The following CHD6 variants were observed in gnomAD, a reference collection of about 807,000 sequenced individuals.
The protein encoded by CHD6 is chromodomain helicase DNA binding protein 6, also known as ATP-dependent chromatin remodeler CHD6.
CHD6 carries 50 observed loss-of-function variants against 276.9 expected under a neutral mutation model. The ratio of observed to expected loss-of-function variants is 0.18; its 90% CI spans 0.14 to 0.23. CHD6 has a LOEUF of 0.23. Ranked by LOEUF, CHD6 falls within the 10% of genes least tolerant of loss-of-function variation. The probability of loss-of-function intolerance (pLI) is 1.00; values close to 1 mark genes in which losing one functional copy is unlikely to be tolerated. For missense variants in CHD6, 2,564 were observed against 3,365.8 expected (o/e 0.76, Z 5.89); for synonymous variants, 1,173 against 1,229.3 (o/e 0.95, Z 0.96).
intron 31 of CHD6, among the ~76,000 whole-genome samples, chr20:41,418,717 C>A (rs138169387): frequency 6.6e-6 from 1 of 152,072 alleles, no homozygotes; most frequent in African/African-American, 2.4e-5. Flanking sequence ...TTTCTAGTCT[C>A]GAAAGCAGGG....
intron 16 of CHD6, among the ~76,000 whole-genome samples, chr20:41,480,657 C>T (rs931079805): frequency 6.6e-6 from 1 of 152,000 alleles, no homozygotes; most frequent in South Asian, 2.1e-4. Flanking sequence ...ATACCTACAA[C>T]TGAAAAATAT....
chr20:41,566,871 G>A (rs1051814054), intron 1 of CHD6, among the ~76,000 whole-genome samples: 4 of 152,160 alleles, frequency 2.6e-5, no homozygotes, highest in African/African-American at 7.2e-5. Flanking sequence ...CTATAATCCT[G>A]TGTCAGGAAT....
intron 26 of CHD6, among the ~76,000 whole-genome samples, chr20:41,437,822 T>G (rs1258113339): frequency 1.3e-5 from 2 of 152,160 alleles, no homozygotes; most frequent in Non-Finnish European, 2.9e-5. Context: ...ATTCCAAGCC[T>G]TAGTTTTTCC....
chr20:41,456,324 C>G (rs898862445), intron 18 of CHD6, among the ~76,000 whole-genome samples: 1 of 151,634 alleles, frequency 6.6e-6, no homozygotes, highest in Non-Finnish European at 1.5e-5. Flanking sequence ...GAGCTTGTAT[C>G]TTTAAAAACC....
chr20:41,521,903 T>C (rs2044408184), intron 3 of CHD6, among the ~76,000 whole-genome samples: 1 of 152,172 alleles, frequency 6.6e-6, no homozygotes, highest in South Asian at 2.1e-4. Context: ...CCAAAGTAAT[T>C]GAGGACAGTA....
intron 5 of CHD6, 62 bp downstream of exon 5, chr20:41,512,784 T>A (rs558519625): frequency 1.9e-6 from 3 of 1,588,616 alleles, no homozygotes; most frequent in Non-Finnish European, 2.6e-6. Flanking sequence ...AAGAAACACG[T>A]CTGTCATCTA....
At chr20:41,586,453 G>C (rs994962768) in intron 1 of CHD6, among the ~76,000 whole-genome samples, 1 of 152,192 alleles carries the variant, frequency 6.6e-6, no homozygotes. Flanking sequence ...GTTCTCTTCC[G>C]TGACCCATGG....
intron 1 of CHD6, among the ~76,000 whole-genome samples, chr20:41,574,981 T>C (rs1295216967): frequency 1.3e-5 from 2 of 152,090 alleles, no homozygotes; most frequent in Non-Finnish European, 2.9e-5. Context: ...TGACTAGGAG[T>C]GTAACTTTGT....
intron 1 of CHD6, among the ~76,000 whole-genome samples, chr20:41,581,288 T>C (rs563317340): frequency 6.6e-6 from 1 of 152,292 alleles, no homozygotes; most frequent in African/African-American, 2.4e-5. Context: ...ATAACAGATC[T>C]AATAAGTAGC....
At chr20:41,573,505 C>T (rs763981122) in intron 1 of CHD6, among the ~76,000 whole-genome samples, 1 of 152,146 alleles carries the variant, frequency 6.6e-6, no homozygotes, top group South Asian at 2.1e-4. Context: ...TGTGATTAAA[C>T]CATGTAAACA....
intron 17 of CHD6, among the ~76,000 whole-genome samples, chr20:41,464,861 C>T (rs1003264030): frequency 6.6e-6 from 1 of 151,988 alleles, no homozygotes; most frequent in African/African-American, 2.4e-5. Flanking sequence ...TAAGGAAGCA[C>T]TCAAAAAACA....
intron 17 of CHD6, among the ~76,000 whole-genome samples, chr20:41,465,246 G>T (rs1025727417): frequency 6.6e-6 from 1 of 152,304 alleles, no homozygotes; most frequent in East Asian, 1.9e-4. Flanking sequence ...TTATTTTATG[G>T]TGGAGAAACT....
In CHD6 at chr20:41,484,261, T is replaced by G. The variant is rs1270271747; in HGVS notation, c.2257+91A>C. 2.7e-6 allele frequency: 4 copies of G among 1,459,844 alleles called. No individual in the cohort carries two copies. In the East Asian group the frequency reaches 9.1e-5, roughly 33 times the overall value. The allele number at this position is 1,459,844 out of a possible 1,614,324, so 90.4% of individuals were successfully genotyped here. A position where few individuals can be genotyped will look rare whatever the true frequency, so the allele number is the denominator to read the frequency against. ...AGAATGCGTACATCCTAGCATATAA[T>G]GAAAATTCAATACATGAGTTATTTG... On this transcript the variant is annotated intron_variant, in intron 15 of 36. Coordinates refer to ENST00000373233, the MANE Select transcript of CHD6 (RefSeq NM_032221.5).
At chr20:41,532,515 T>C (rs572759339) in intron 3 of CHD6, among the ~76,000 whole-genome samples, 1 of 152,352 alleles carries the variant, frequency 6.6e-6, no homozygotes, top group South Asian at 2.1e-4. Context: ...ACACCTGGGA[T>C]GTCACTTCCC....
At chr20:41,436,001 T>C (rs2145571327) in intron 27 of CHD6, among the ~76,000 whole-genome samples, 1 of 152,304 alleles carries the variant, frequency 6.6e-6, no homozygotes, top group Middle Eastern at 3.4e-3. Flanking sequence ...TTTTTAATTT[T>C]TTGTAGAGAC....
chr20:41,428,721 G>A (rs2047441017), intron 27 of CHD6, among the ~76,000 whole-genome samples: 1 of 152,170 alleles, frequency 6.6e-6, no homozygotes, highest in South Asian at 2.1e-4. Context: ...AATATTCAAG[G>A]ATTTTATTAT....
At chr20:41,425,780 C>A (rs2047342771) in intron 28 of CHD6, among the ~76,000 whole-genome samples, 1 of 151,660 alleles carries the variant, frequency 6.6e-6, no homozygotes, top group Admixed American at 6.6e-5. Context: ...ACCCCCACAA[C>A]CTTTCTTTAA....
At chr20:41,490,538 C>T (rs117057262) in intron 11 of CHD6, among the ~76,000 whole-genome samples, 4,609 of 152,230 alleles carry the variant, frequency 0.03, 94 homozygotes, top group Middle Eastern at 0.071. Flanking sequence ...CCTGGCCAGG[C>T]GCGGTGGCTC....
At position 41,404,073 on chromosome 20, in the gene CHD6, TACTC is replaced by T. The variant is rs2046602200; in HGVS notation, c.*516_*519del. On this transcript the variant is annotated 3_prime_UTR_variant, in exon 37 of 37. Coordinates refer to ENST00000373233, the MANE Select transcript of CHD6 (RefSeq NM_032221.5). ...ATTAGTTATATACTTCTGTCTATACTACTCACTTAGTAATCATGATAAAATAGGG... is the reference window on the plus strand; with the variant it reads ...ATTAGTTATATACTTCTGTCTATACTACTTAGTAATCATGATAAAATAGGG... 4.8e-6 allele frequency: 5 copies of T among 1,047,274 alleles called. No homozygotes were observed. The highest frequency in any genetic ancestry group is 4.6e-5 in the South Asian group (1 of 21,774). 64.9% of individuals were successfully genotyped at this position (1,047,274 alleles called of 1,614,324 possible).
Sources: allele counts gnomAD v4.1 joint callset (sites outside exome capture counted in the v4.1 genomes callset), GRCh38; gene constraint gnomAD v4.1.1; transcripts MANE v1.5; gene names NCBI Gene and HGNC (gene_info 2026-07-23, HGNC 2026-07-21).